The following FREM2 variants were observed in gnomAD, a reference collection of about 807,000 sequenced individuals.
FREM2 encodes the protein FRAS1 related extracellular matrix 2.
Under a neutral mutation model 219.9 loss-of-function variants are expected in FREM2, and 119 were observed. That is an observed-to-expected ratio of 0.54 (90% CI 0.47 to 0.63). The LOEUF (loss-of-function observed/expected upper bound fraction) is 0.63. Among genes scored for constraint, FREM2 ranks in the 30% least tolerant of loss-of-function variants. The pLI, the probability that FREM2 is intolerant of heterozygous loss-of-function variation, is 0.00. For synonymous variants in FREM2, 1,562 were observed against 1,522.8 expected, an observed-to-expected ratio of 1.03 and a Z score of -0.60; for missense variants, 4,030 against 3,993.6, an observed-to-expected ratio of 1.01 and a Z score of -0.25.
At chr13:38,879,923 C>T (rs541819020) in intron 23 of FREM2, among the ~76,000 whole-genome samples, 5 of 152,266 alleles carry the variant, frequency 3.3e-5, no homozygotes, top group Admixed American at 1.3e-4. Flanking sequence ...TGTAGTCCTG[C>T]CTCTGCCACT....
intron 8 of FREM2, among the ~76,000 whole-genome samples, chr13:38,849,759 T>A (rs78575835): frequency 1.3e-5 from 2 of 152,204 alleles, no homozygotes; most frequent in Non-Finnish European, 2.9e-5. Flanking sequence ...CTAAGAAACA[T>A]GTAGATACAA....
At chr13:38,777,331 T>A (rs1010022584) in intron 4 of FREM2, among the ~76,000 whole-genome samples, 3 of 152,152 alleles carry the variant, frequency 2.0e-5, no homozygotes, top group Non-Finnish European at 4.4e-5. Flanking sequence ...TAGCCTTTTG[T>A]TTTTCTCTGG....
At position 38,690,974 on chromosome 13, in the gene FREM2, A is replaced by C; in HGVS notation, c.3630A>C (p.Thr1210=). The change falls in exon 1 of 24, where the codon ACA becomes ACC. Residue 1210 remains threonine (T), a synonymous_variant. Transcript: ENST00000280481. ...VMEGMSLVID[T]PILNAADADV... ...AAGGCATGAGTCTGGTAATTGATAC[A>C]CCCATTCTCAATGCTGCTGATGCTG... 1 of 1,614,006 alleles carries C rather than the reference A, an allele frequency of 6.2e-7. No homozygotes were observed. The highest frequency in any genetic ancestry group is 1.3e-5 in the African/African-American group (1 of 75,008).
chr13:38,768,571 C>G (rs1873533795), intron 3 of FREM2, among the ~76,000 whole-genome samples: 1 of 152,156 alleles, frequency 6.6e-6, no homozygotes, highest in Admixed American at 6.5e-5. Context: ...GCCACCATGC[C>G]CAGCCTTATT....
chr13:38,856,377 A>T, intron 12 of FREM2, 121 bp downstream of exon 12: 1 of 857,710 alleles, frequency 1.2e-6, no homozygotes, highest in Admixed American at 1.8e-5. Context: ...CGTGAAAGAG[A>T]TATGCATAAT....
chr13:38,836,405 C>CT (rs1313356552), intron 6 of FREM2, among the ~76,000 whole-genome samples: 1 of 152,022 alleles, frequency 6.6e-6, no homozygotes, highest in African/African-American at 2.4e-5. Context: ...CTGAAATTTT[C>CT]TTTTTTTGTT....
chr13:38,709,492 T>C (rs892343148), intron 2 of FREM2, among the ~76,000 whole-genome samples: 1 of 152,034 alleles, frequency 6.6e-6, no homozygotes, highest in Admixed American at 6.6e-5. Context: ...TACCAAGTGA[T>C]GTATGGGGCA....
At chr13:38,796,770 T>C (rs1156640456) in intron 6 of FREM2, among the ~76,000 whole-genome samples, 1 of 152,202 alleles carries the variant, frequency 6.6e-6, no homozygotes, top group East Asian at 1.9e-4. Flanking sequence ...ATCTTTTTCT[T>C]TGGATAAATA....
At chr13:38,795,590 A>T (rs1208967107) in intron 6 of FREM2, among the ~76,000 whole-genome samples, 1 of 152,142 alleles carries the variant, frequency 6.6e-6, no homozygotes, top group Non-Finnish European at 1.5e-5. Context: ...TGTGTTGGTA[A>T]CATCTCTAGT....
At chr13:38,873,193 G>A (rs1878225794) in intron 17 of FREM2, among the ~76,000 whole-genome samples, 1 of 151,872 alleles carries the variant, frequency 6.6e-6, no homozygotes, top group Non-Finnish European at 1.5e-5. Flanking sequence ...ATCTATTTTA[G>A]GTGATTAATT....
rs572291385 is a variant in FREM2, at chr13:38,869,440, T to C, written c.7984-3302T>C. On this transcript the variant is annotated intron_variant, in intron 16 of 23. Transcript: ENST00000280481. ...TGTACATTCATTCATTAAAGAAATA[T>C]TCCATGAACACCTACTCTGTGCCAG... Among the ~76,000 whole-genome samples, 412 of 152,294 alleles carry C rather than the reference T, an allele frequency of 2.7e-3. 1 individual carries two copies. The highest frequency in any genetic ancestry group is 0.01 in the Admixed American group (156 of 15,306).
At chr13:38,773,751 A>G (rs181486286) in intron 4 of FREM2, among the ~76,000 whole-genome samples, 1 of 152,114 alleles carries the variant, frequency 6.6e-6, no homozygotes, top group Admixed American at 6.6e-5. Flanking sequence ...ACATGCGCAT[A>G]GAAAGTTCCA....
intron 15 of FREM2, among the ~76,000 whole-genome samples, chr13:38,863,174 T>C (rs1176887442): frequency 1.3e-5 from 2 of 152,028 alleles, no homozygotes; most frequent in Non-Finnish European, 2.9e-5. Context: ...CTCAGCCTCC[T>C]AAGTAGCTGG....
At chr13:38,710,420 A>G (rs1870724138) in intron 2 of FREM2, among the ~76,000 whole-genome samples, 1 of 152,218 alleles carries the variant, frequency 6.6e-6, no homozygotes, top group Non-Finnish European at 1.5e-5. Flanking sequence ...CAATGAGAAG[A>G]GAGCTCTTCT....
chr13:38,726,775 T>G (rs1871543786), intron 2 of FREM2, among the ~76,000 whole-genome samples: 1 of 152,228 alleles, frequency 6.6e-6, no homozygotes, highest in African/African-American at 2.4e-5. Flanking sequence ...CAAACTGCTC[T>G]TATATGCTAT....
At position 38,769,738 on chromosome 13, in the gene FREM2, C is replaced by T. The variant is rs1296297601; in HGVS notation, c.5571C>T (p.Leu1857=). The stretch of plus-strand genomic sequence containing the variant: ...AGTCTGAAACCTTTCAGGTGGTACT[C>T]TCAGAGCCCGTGCTGGCTGCCTTGG... The part of the protein sequence containing the change: ...HEQSETFQVV[L]SEPVLAALEF... Residue 1857 remains leucine, a synonymous_variant, in exon 4 of 24, where the codon CTC becomes CTT. Coordinates refer to ENST00000280481, the MANE Select transcript of FREM2 (RefSeq NM_207361.6). 2 of 1,614,136 alleles carry T rather than the reference C, an allele frequency of 1.2e-6. No individual in the cohort carries two copies. Among genetic ancestry groups the T allele is most frequent in the African/African-American group, 2.7e-5 (2 of 75,032 alleles).
Position 38,870,281 on chromosome 13 carries a change from T to C in FREM2, c.7984-2461T>C, listed in dbSNP as rs573632220. ...TTTGCAGGATATATACTTACCCCAG[T>C]GTGTAGCAGAATAAATTTGACAGTG... On this transcript the variant is annotated intron_variant, in intron 16 of 23. Transcript: ENST00000280481. Among the ~76,000 whole-genome samples the C allele has an allele frequency of 1.6e-3, 249 of 152,278 alleles. 2 individuals are homozygous for C. Among genetic ancestry groups the C allele is most frequent in the Non-Finnish European group, 5.7e-4 (39 of 68,012 alleles).
At chr13:38,825,570 T>G (rs1876250261) in intron 6 of FREM2, among the ~76,000 whole-genome samples, 1 of 152,138 alleles carries the variant, frequency 6.6e-6, no homozygotes, top group Non-Finnish European at 1.5e-5. Context: ...AAGCCTGCAG[T>G]GAGGCATTGT....
chr13:38,764,099 G>T (rs950461050), intron 2 of FREM2, among the ~76,000 whole-genome samples: 1 of 152,186 alleles, frequency 6.6e-6, no homozygotes, highest in African/African-American at 2.4e-5. Flanking sequence ...CAAGGAATTT[G>T]TGAAGAATTA....
Sources: gnomAD v4.1 joint callset for allele counts (sites outside exome capture counted in the v4.1 genomes callset) on GRCh38, gnomAD v4.1.1 for gene constraint, MANE v1.5 for transcripts, NCBI Gene and HGNC (gene_info 2026-07-23, HGNC 2026-07-21) for gene names.